The following GATAD2A variants were observed in gnomAD, a reference collection of about 807,000 sequenced individuals.
GATAD2A encodes GATA zinc finger domain containing 2A, also known as transcriptional repressor p66-alpha.
Under a neutral mutation model 68.5 loss-of-function variants are expected in GATAD2A, and 12 were observed. The ratio of observed to expected loss-of-function variants is 0.18; its 90% CI spans 0.11 to 0.28. The LOEUF (loss-of-function observed/expected upper bound fraction) is 0.28, where lower values mean the gene tolerates loss of function less well. GATAD2A is among the 10% of genes least tolerant of loss of function. The probability of loss-of-function intolerance (pLI) is 1.00; values close to 1 mark genes in which losing one functional copy is unlikely to be tolerated. For missense variants in GATAD2A, 755 were observed against 868.5 expected (o/e 0.87, Z 1.64); for synonymous variants, 410 against 375.3 (o/e 1.09, Z -1.07).
At position 19,465,207 on chromosome 19, in the gene GATAD2A, G is replaced by A. The variant is rs895051109; in HGVS notation, c.-6-133G>A. 5 of 710,830 alleles carry A rather than the reference G, an allele frequency of 7.0e-6. No individual in the cohort carries two copies. The African/African-American group carries it at 7.1e-5, about 10-fold the overall frequency. The allele number at this position is 710,830 out of a possible 1,614,324, so 44.0% of individuals were successfully genotyped here. A position where few individuals can be genotyped will look rare whatever the true frequency, so the allele number is the denominator to read the frequency against. ...TCCTGGGGATGCTTTTCTGGGCCCT[G>A]CGTTTGTTGTACATTCTTTTGCCAT... On this transcript the variant is annotated intron_variant, in intron 1 of 11. Coordinates refer to ENST00000683918, the MANE Select transcript of GATAD2A (RefSeq NM_001384528.1).
chr19:19,457,293 C>T (rs1031329760), intron 1 of GATAD2A: 2 of 948,406 alleles, frequency 2.1e-6, no homozygotes, highest in Non-Finnish European at 2.5e-6. Context: ...CAGGGGCCTC[C>T]CAGAGCTTCT....
chr19:19,407,354 T>TGC (rs1424572377), intron 1 of GATAD2A, among the ~76,000 whole-genome samples: 12 of 152,234 alleles, frequency 7.9e-5, no homozygotes, highest in African/African-American at 2.9e-4. Flanking sequence ...AGCCCTCGGG[T>TGC]TTGAGTGCCT....
At chr19:19,404,908 C>T (rs1202514109), upstream of GATAD2A, among the ~76,000 whole-genome samples, 1 of 152,122 alleles carries the variant, frequency 6.6e-6, no homozygotes, top group Admixed American at 6.6e-5. Flanking sequence ...TGAGAGCCTT[C>T]TTGTGGTAGA....
chr19:19,464,649 TTTC>T (rs997338177), intron 1 of GATAD2A: 2 of 152,460 alleles, frequency 1.3e-5, no homozygotes, highest in African/African-American at 4.8e-5. Flanking sequence ...CAGCTGTTTT[TTTC>T]TTCTTTTTCT....
chr19:19,394,724 G>A (rs993539464), intron 1 of GATAD2A, among the ~76,000 whole-genome samples: 1 of 152,134 alleles, frequency 6.6e-6, no homozygotes, highest in Non-Finnish European at 1.5e-5. Context: ...GATTACAGGC[G>A]TGAGCCACCA....
At chr19:19,418,433 T>G (rs970916635) in intron 1 of GATAD2A, among the ~76,000 whole-genome samples, 1 of 152,222 alleles carries the variant, frequency 6.6e-6, no homozygotes, top group Non-Finnish European at 1.5e-5. Flanking sequence ...TTTGTTCTGC[T>G]CTGTTCCTAT....
At chr19:19,478,492 T>C (rs1274662235) in intron 2 of GATAD2A, among the ~76,000 whole-genome samples, 1 of 151,264 alleles carries the variant, frequency 6.6e-6, no homozygotes. Context: ...TACTTGGGAA[T>C]CTGAGGCACA....
intron 4 of GATAD2A, 35 bp downstream of exon 4, chr19:19,492,747 A>C (rs201669097): frequency 1.9e-6 from 3 of 1,611,690 alleles, no homozygotes; most frequent in South Asian, 1.1e-5. Flanking sequence ...CTGGGCCAGC[A>C]GGAGCGCCTG....
intron 1 of GATAD2A, among the ~76,000 whole-genome samples, chr19:19,417,523 G>C (rs1206718604): frequency 6.6e-6 from 1 of 152,144 alleles, no homozygotes; most frequent in Non-Finnish European, 1.5e-5. Flanking sequence ...GGTGCGGGGG[G>C]TGGAGTTGGC....
intron 1 of GATAD2A, among the ~76,000 whole-genome samples, chr19:19,392,778 C>T (rs546906620): frequency 1.5e-4 from 23 of 150,512 alleles, no homozygotes; most frequent in Admixed American, 1.4e-3. Context: ...CTCACTGCAA[C>T]CTCTGCCTCC....
At chr19:19,442,794 A>T (rs2147683865) in intron 1 of GATAD2A, among the ~76,000 whole-genome samples, 1 of 150,726 alleles carries the variant, frequency 6.6e-6, no homozygotes. Flanking sequence ...AAAAACCCAC[A>T]GTTTCTTATT....
rs2060512405 is a variant in GATAD2A, at chr19:19,501,429, T to C, written c.1503+13T>C. On this transcript the variant is annotated intron_variant, in intron 9 of 11. Coordinates refer to ENST00000683918, the MANE Select transcript of GATAD2A (RefSeq NM_001384528.1). ...CGTGCTGAAGCAGGTGAGCCTGGCCTGCTGCCGGCAGTGCCGTCCCTAGGA... is the reference window on the plus strand; with the variant it reads ...CGTGCTGAAGCAGGTGAGCCTGGCCCGCTGCCGGCAGTGCCGTCCCTAGGA... 2 of 1,569,870 alleles carry C rather than the reference T, an allele frequency of 1.3e-6. No individual in the cohort carries two copies. The highest frequency in any genetic ancestry group is 2.4e-5 in the East Asian group (1 of 41,978).
intron 1 of GATAD2A, among the ~76,000 whole-genome samples, chr19:19,456,169 AAAGAG>A (rs2056910314): frequency 3.0e-5 from 4 of 132,038 alleles, no homozygotes; most frequent in Admixed American, 2.8e-4. Flanking sequence ...AAAAAAAAAA[AAAGAG>A]AGAAAAAGTT....
chr19:19,405,108 T>C (rs1401207886), upstream of GATAD2A, among the ~76,000 whole-genome samples: 7 of 152,134 alleles, frequency 4.6e-5, no homozygotes, highest in East Asian at 1.2e-3. Flanking sequence ...CGAGGGCAGA[T>C]TGGGAGGTAA....
Position 19,431,183 on chromosome 19 carries a change from G to C in GATAD2A, c.-7+25164G>C, listed in dbSNP as rs185313986. On this transcript the variant is annotated intron_variant, in intron 1 of 11. Transcript: ENST00000683918. ...AGCTCTCTGAACTCAGCCAGTACGG[G>C]GTGGATGGCAAAACAGTCCAAATGA... is the stretch of plus-strand genomic sequence containing the variant. Among the ~76,000 whole-genome samples the C allele has an allele frequency of 3.0e-3, 458 of 151,788 alleles. 12 individuals are homozygous for C. The highest frequency in any genetic ancestry group is 3.7e-4 in the Non-Finnish European group (25 of 67,962).
At chr19:19,472,516 T>TA (rs2058385706) in intron 2 of GATAD2A, 1 of 150,918 alleles carries the variant, frequency 6.6e-6, no homozygotes, top group Non-Finnish European at 1.5e-5. Flanking sequence ...GTATTTTTAG[T>TA]AGAGACAGGG....
chr19:19,507,344 C>T lies in GATAD2A; in HGVS notation c.*1870C>T, dbSNP rs987741922. On this transcript the variant is annotated 3_prime_UTR_variant, in exon 12 of 12. Transcript: ENST00000683918. ...AAATAAATACCTGTCTCCTACGACC[C>T]TGAGCTGTTAGCCCTCTCTGTTCCA... 3.3e-5 allele frequency: 5 copies of T among 152,148 alleles called. No homozygotes were observed. Among genetic ancestry groups the T allele is most frequent in the African/African-American group, 4.8e-5 (2 of 41,422 alleles). The allele number at this position is 152,148 out of a possible 1,614,324, so 9.4% of individuals were successfully genotyped here.
At chr19:19,399,699 A>G (rs1306484529) in intron 1 of GATAD2A, among the ~76,000 whole-genome samples, 1 of 152,158 alleles carries the variant, frequency 6.6e-6, no homozygotes, top group Non-Finnish European at 1.5e-5. Context: ...AGAACAAACT[A>G]GAAGGGCACT....
chr19:19,486,014 G>A lies in GATAD2A; in HGVS notation c.270-6292G>A, dbSNP rs575726072. Among the ~76,000 whole-genome samples, 193 of 152,316 alleles carry A rather than the reference G, an allele frequency of 1.3e-3. 1 individual carries two copies. Among genetic ancestry groups the A allele is most frequent in the Middle Eastern group, 6.8e-3 (2 of 294 alleles). The stretch of plus-strand genomic sequence containing the variant: ...ACCGTGCAAGGGGGTCCATCAGTCC[G>A]TGGCGCTGGTTCCTCCTGAACTCAC... On this transcript the variant is annotated intron_variant, in intron 2 of 11. Transcript: ENST00000683918.
Sources: allele counts gnomAD v4.1 joint callset (sites outside exome capture counted in the v4.1 genomes callset), GRCh38; gene constraint gnomAD v4.1.1; transcripts MANE v1.5; gene names NCBI Gene and HGNC (gene_info 2026-07-23, HGNC 2026-07-21).